Variants in ATL3 observed in about 807,000 individuals in gnomAD.
ATL3 encodes atlastin-3.
ATL3 carries 49 observed loss-of-function variants against 69.5 expected under a neutral mutation model. The ratio of observed to expected loss-of-function variants is 0.71; its 90% confidence interval spans 0.56 to 0.89. The LOEUF is 0.89. ATL3 is among the 40% of genes least tolerant of loss of function. The pLI, the probability that ATL3 is intolerant of heterozygous loss-of-function variation, is 0.00. For missense variants in ATL3, 606 were observed against 645.7 expected, an observed-to-expected ratio of 0.94 and a Z score of 0.67; for synonymous variants, 214 against 224.1, an observed-to-expected ratio of 0.95 and a Z score of 0.40.
intron 10 of ATL3, among the ~76,000 whole-genome samples, chr11:63,633,752 C>A (rs1257670610): frequency 6.8e-6 from 1 of 147,658 alleles, no homozygotes; most frequent in African/African-American, 2.5e-5. Flanking sequence ...AAAGGTTGGG[C>A]GTGGTGGCTC....
upstream of ATL3, chr11:63,671,574 A>G (rs1008507026): frequency 2.4e-5 from 34 of 1,421,792 alleles, no homozygotes; most frequent in African/African-American, 4.5e-4. Flanking sequence ...GGGGCGGGAA[A>G]GCGCACGCGG....
At chr11:63,646,442 G>A (rs1939882532) in intron 6 of ATL3, 65 bp downstream of exon 6, 5 of 1,006,512 alleles carry the variant, frequency 5.0e-6, no homozygotes, top group Admixed American at 2.1e-5. Flanking sequence ...CCTATGAGCT[G>A]TAGTTTGCCA....
intron 3 of ATL3, among the ~76,000 whole-genome samples, chr11:63,655,958 C>T (rs904271304): frequency 2.0e-5 from 3 of 152,202 alleles, no homozygotes; most frequent in African/African-American, 7.2e-5. Flanking sequence ...GGCGCAGTGG[C>T]TCACGCCTAT....
At chr11:63,646,250 G>A (rs1939876545) in intron 6 of ATL3, among the ~76,000 whole-genome samples, 1 of 152,182 alleles carries the variant, frequency 6.6e-6, no homozygotes, top group Non-Finnish European at 1.5e-5. Flanking sequence ...GTCACAGACA[G>A]TACAAAGACA....
intron 7 of ATL3, among the ~76,000 whole-genome samples, chr11:63,643,747 G>T (rs1261396802): frequency 2.0e-5 from 3 of 152,220 alleles, no homozygotes; most frequent in Non-Finnish European, 4.4e-5. Context: ...GGTTTGTGGG[G>T]ATGAAGGAGG....
At chr11:63,656,151 G>A (rs1029004777) in intron 3 of ATL3, among the ~76,000 whole-genome samples, 6 of 151,466 alleles carry the variant, frequency 4.0e-5, no homozygotes, top group Non-Finnish European at 8.8e-5. Context: ...GTGAACCCGG[G>A]AGGCGGAGCT....
In ATL3 at chr11:63,652,234, T is replaced by C. The variant is rs3758646; in HGVS notation, c.510+237A>G. ...TCAAATCTGTATTTTCTATATGATA[T>C]AATAAATTTCCATTTTTTGGACTTT... On this transcript the variant is annotated intron_variant, in intron 4 of 12. Coordinates refer to ENST00000398868, the MANE Select transcript of ATL3 (RefSeq NM_015459.5). Among the ~76,000 whole-genome samples the C allele has an allele frequency of 9.8e-5, 15 of 152,344 alleles. 1 individual carries two copies. In the East Asian group the frequency reaches 2.9e-3, roughly 29 times the overall value.
intron 8 of ATL3, among the ~76,000 whole-genome samples, chr11:63,643,099 G>A (rs1939751123): frequency 1.3e-5 from 2 of 152,138 alleles, no homozygotes; most frequent in South Asian, 4.1e-4. Flanking sequence ...TGTATCTCTT[G>A]TAAACCAAGA....
At chr11:63,657,395 G>A (rs11606319) in intron 3 of ATL3, among the ~76,000 whole-genome samples, 1 of 152,178 alleles carries the variant, frequency 6.6e-6, no homozygotes, top group Non-Finnish European at 1.5e-5. Flanking sequence ...CTGGGGCTAA[G>A]AAGCCCTACT....
chr11:63,669,855 G>A (rs1940718358), intron 1 of ATL3, among the ~76,000 whole-genome samples: 1 of 152,192 alleles, frequency 6.6e-6, no homozygotes, highest in Non-Finnish European at 1.5e-5. Context: ...GGCTGACGCA[G>A]GAGAATCATT....
At position 63,643,337 on chromosome 11, in the gene ATL3, A is replaced by C. The variant is rs541698336; in HGVS notation, c.850+20T>G. 2 of 1,566,374 alleles carry C rather than the reference A, an allele frequency of 1.3e-6. No homozygotes were observed. The highest frequency in any genetic ancestry group is 1.7e-6 in the Non-Finnish European group (2 of 1,158,896). ...TTCCAAAGATCGAATCACAGGTTTA[A>C]AATAACACCTGGAACACACCTTTTA... On this transcript the variant is annotated intron_variant, in intron 8 of 12. Transcript: ENST00000398868.
intron 1 of ATL3, among the ~76,000 whole-genome samples, chr11:63,665,862 G>A (rs1940558391): frequency 1.3e-5 from 2 of 150,172 alleles, no homozygotes; most frequent in South Asian, 4.2e-4. Flanking sequence ...GCAAGACCCT[G>A]TCTCAAAAAA....
chr11:63,638,461 T>C (rs1179536431), intron 8 of ATL3, among the ~76,000 whole-genome samples: 1 of 152,146 alleles, frequency 6.6e-6, no homozygotes, highest in Non-Finnish European at 1.5e-5. Context: ...TCCCAGCACC[T>C]TGGGAGGCCA....
chr11:63,664,541 T>A (rs1345529203), intron 1 of ATL3, among the ~76,000 whole-genome samples: 1 of 150,362 alleles, frequency 6.7e-6, no homozygotes, highest in Non-Finnish European at 1.5e-5. Flanking sequence ...CTCTGTCTTT[T>A]AAAAAAAAGC....
chr11:63,639,502 T>C (rs1182460155), intron 8 of ATL3, among the ~76,000 whole-genome samples: 4 of 152,120 alleles, frequency 2.6e-5, no homozygotes, highest in African/African-American at 9.7e-5. Context: ...ATCCCAACAC[T>C]TTGAGAAGCT....
chr11:63,660,757 A>G (rs1430197333), intron 1 of ATL3, among the ~76,000 whole-genome samples: 1 of 152,182 alleles, frequency 6.6e-6, no homozygotes, highest in Non-Finnish European at 1.5e-5. Context: ...AAAGTTCATT[A>G]TCAGCTTTAC....
At chr11:63,656,093 A>G (rs575389858) in intron 3 of ATL3, among the ~76,000 whole-genome samples, 17 of 151,856 alleles carry the variant, frequency 1.1e-4, no homozygotes, top group Admixed American at 8.5e-4. Context: ...GCGTGGTGGT[A>G]GGCGCCTGTA....
At position 63,631,344 on chromosome 11, in the gene ATL3, C is replaced by T. The variant is rs181563114; in HGVS notation, c.1235G>A (p.Arg412His). ...TTCCTCCTCCAGCTCCTGCTGGTAACGAAAGCTGAAATCCTTCCCACCCAT... is the reference window on the plus strand; with the variant it reads ...TTCCTCCTCCAGCTCCTGCTGGTAATGAAAGCTGAAATCCTTCCCACCCAT... ...KKMGGKDFSF[R>H]YQQELEEEIK... Residue 412 changes from arginine (R) to histidine (H), a missense_variant, in exon 12 of 13, where the codon CGT (arginine) becomes CAT (histidine). Coordinates refer to ENST00000398868, the MANE Select transcript of ATL3 (RefSeq NM_015459.5). The T allele has an allele frequency of 1.4e-5, 23 of 1,614,194 alleles. No individual in the cohort carries two copies. The highest frequency in any genetic ancestry group is 3.3e-5 in the Admixed American group (2 of 60,022).
intron 3 of ATL3, among the ~76,000 whole-genome samples, chr11:63,655,370 C>T (rs1031191402): frequency 6.6e-6 from 1 of 151,822 alleles, no homozygotes; most frequent in African/African-American, 2.4e-5. Context: ...AGGCTGGTCT[C>T]GAACTCCTGA....
Sources: allele counts gnomAD v4.1 joint callset (sites outside exome capture counted in the v4.1 genomes callset), GRCh38; gene constraint gnomAD v4.1.1; transcripts MANE v1.5; gene names NCBI Gene and HGNC (gene_info 2026-07-23, HGNC 2026-07-21).